Variants in ALK observed in about 807,000 individuals in gnomAD.
ALK encodes the protein ALK receptor tyrosine kinase, also known as ALK tyrosine kinase receptor.
In ALK, 74 loss-of-function variants were observed where a neutral mutation model predicts 163.1. The ratio of observed to expected loss-of-function variants is 0.45; its 90% CI spans 0.38 to 0.55. The LOEUF (loss-of-function observed/expected upper bound fraction) is 0.55, where lower values mean the gene tolerates loss of function less well. Ranked by LOEUF, ALK falls within the 20% of genes least tolerant of loss-of-function variation. The pLI, the probability that ALK is intolerant of heterozygous loss-of-function variation, is 0.00. For missense variants in ALK, 2,063 were observed against 2,105.3 expected (o/e 0.98, Z 0.39); for synonymous variants, 960 against 843.2 (o/e 1.14, Z -2.40).
chr2:29,919,681 G>C (rs61020921), intron 1 of ALK, among the ~76,000 whole-genome samples: 6,578 of 152,224 alleles, frequency 0.043, 270 homozygotes, highest in East Asian at 0.16. Flanking sequence ...AACTGTCCCG[G>C]GGCCCAGGAA....
intron 26 of ALK, among the ~76,000 whole-genome samples, chr2:29,206,431 C>T (rs1300384636): frequency 6.6e-6 from 1 of 152,008 alleles, no homozygotes; most frequent in Non-Finnish European, 1.5e-5. Context: ...ACCACCACAC[C>T]TGGCTAATTT....
chr2:29,806,423 C>A (rs1217247016), intron 1 of ALK, among the ~76,000 whole-genome samples: 2 of 152,016 alleles, frequency 1.3e-5, no homozygotes, highest in Non-Finnish European at 2.9e-5. Flanking sequence ...TAGGAACACC[C>A]CCCAAAATGA....
chr2:29,823,965 G>A (rs1025607209), intron 1 of ALK, among the ~76,000 whole-genome samples: 2 of 152,200 alleles, frequency 1.3e-5, no homozygotes, highest in African/African-American at 4.8e-5. Context: ...CCCCATCACA[G>A]GCCCAGAGGC....
chr2:29,268,838 T>C (rs1665306307), intron 11 of ALK, among the ~76,000 whole-genome samples: 2 of 152,196 alleles, frequency 1.3e-5, no homozygotes, highest in South Asian at 2.1e-4. Context: ...TCACATAATC[T>C]TTCTGATCCT....
At chr2:29,783,408 C>T (rs1350622390) in intron 1 of ALK, among the ~76,000 whole-genome samples, 1 of 152,196 alleles carries the variant, frequency 6.6e-6, no homozygotes, top group Admixed American at 6.5e-5. Context: ...GCTCCCAACT[C>T]ACTACAGACC....
intron 6 of ALK, among the ~76,000 whole-genome samples, chr2:29,324,094 C>T (rs1667170105): frequency 6.6e-6 from 1 of 152,318 alleles, no homozygotes; most frequent in South Asian, 2.1e-4. Context: ...TCTAACCAAC[C>T]CCCTTCTTGG....
At chr2:29,500,851 G>A (rs1046217827) in intron 4 of ALK, among the ~76,000 whole-genome samples, 1 of 152,084 alleles carries the variant, frequency 6.6e-6, no homozygotes, top group African/African-American at 2.4e-5. Context: ...AGGGGCTCTG[G>A]TCTCAGCTGG....
chr2:29,591,127 T>A, intron 3 of ALK, among the ~76,000 whole-genome samples: 1 of 144,728 alleles, frequency 6.9e-6, no homozygotes, highest in East Asian at 2.1e-4. Flanking sequence ...CCTTTCCCTA[T>A]CATGATGGTC....
chr2:29,461,214 A>T (rs1284218519), intron 4 of ALK, among the ~76,000 whole-genome samples: 2 of 152,216 alleles, frequency 1.3e-5, no homozygotes, highest in African/African-American at 4.8e-5. Flanking sequence ...TAAGGCAACA[A>T]GCCATGTCCA....
chr2:29,615,866 C>T (rs1395433233), intron 3 of ALK, among the ~76,000 whole-genome samples: 1 of 152,252 alleles, frequency 6.6e-6, no homozygotes, highest in Non-Finnish European at 1.5e-5. Context: ...TTTTGCACTT[C>T]ACCCCAGGAA....
Position 29,920,973 on chromosome 2 carries a change from C to G in ALK, c.-314G>C. On this transcript the variant is annotated 5_prime_UTR_variant, in exon 1 of 29. Transcript: ENST00000389048. ...GCGCCCCCGTCTGTAGCTCGCTGCG[C>G]TCGGTACAGAGGAACTACTATGGTT... 1 of 471,948 alleles carries G rather than the reference C, an allele frequency of 2.1e-6. No homozygotes were observed. The highest frequency in any genetic ancestry group is 3.8e-6 in the Non-Finnish European group (1 of 261,052). 29.2% of individuals were successfully genotyped at this position (471,948 alleles called of 1,614,324 possible).
intron 1 of ALK, among the ~76,000 whole-genome samples, chr2:29,909,660 C>A (rs896750509): frequency 6.6e-6 from 1 of 152,198 alleles, no homozygotes; most frequent in African/African-American, 2.4e-5. Flanking sequence ...GTAAGCCAAA[C>A]AATTTCTACA....
intron 26 of ALK, among the ~76,000 whole-genome samples, chr2:29,202,012 G>A (rs978430297): frequency 1.3e-5 from 2 of 152,052 alleles, no homozygotes; most frequent in African/African-American, 4.8e-5. Flanking sequence ...GCATCCCATG[G>A]TGTTTAGAAT....
intron 3 of ALK, among the ~76,000 whole-genome samples, chr2:29,685,933 C>T (rs1469161075): frequency 6.6e-6 from 1 of 152,142 alleles, no homozygotes; most frequent in African/African-American, 2.4e-5. Context: ...GCAATGTGAC[C>T]TCCTTAAATC....
intron 4 of ALK, among the ~76,000 whole-genome samples, chr2:29,421,425 C>A (rs906835370): frequency 6.6e-6 from 1 of 151,474 alleles, no homozygotes; most frequent in South Asian, 2.1e-4. Flanking sequence ...GCACCTATCA[C>A]GTGTCAGGAA....
At chr2:29,783,183 A>G (rs1054796205) in intron 1 of ALK, among the ~76,000 whole-genome samples, 1 of 152,208 alleles carries the variant, frequency 6.6e-6, no homozygotes, top group Non-Finnish European at 1.5e-5. Context: ...ATCATAATCA[A>G]TAGTTCTTCC....
intron 1 of ALK, among the ~76,000 whole-genome samples, chr2:29,901,448 C>G (rs1243857485): frequency 6.6e-6 from 1 of 152,172 alleles, no homozygotes; most frequent in Non-Finnish European, 1.5e-5. Context: ...GAAAATTCAG[C>G]TTCTGAGTGT....
chr2:29,920,519 C>T lies in ALK; in HGVS notation c.141G>A (p.Ser47=), dbSNP rs572351075. The T allele has an allele frequency of 1.5e-5, 24 of 1,612,240 alleles. No individual in the cohort carries two copies. Among genetic ancestry groups the T allele is most frequent in the Admixed American group, 8.3e-5 (5 of 59,970 alleles). ...CTGCCAGACTCTTCCTCTGCAGGCG[C>T]GAGTAGCTGAGTGGCTCCCGGGGCT... The part of the protein sequence containing the change: ...PLQPREPLSY[S]RLQRKSLAVD... The change falls in exon 1 of 29, where the codon TCG becomes TCA. Residue 47 remains serine (S), a synonymous_variant. Transcript: ENST00000389048.
chr2:29,231,448 GAA>G, intron 15 of ALK, among the ~76,000 whole-genome samples: 1 of 152,336 alleles, frequency 6.6e-6, no homozygotes, highest in East Asian at 1.9e-4. Flanking sequence ...TGTAAAACAG[GAA>G]TGGTATCTGC....
Sources: allele counts gnomAD v4.1 joint callset (sites outside exome capture counted in the v4.1 genomes callset), GRCh38; gene constraint gnomAD v4.1.1; transcripts MANE v1.5; gene names NCBI Gene and HGNC (gene_info 2026-07-23, HGNC 2026-07-21).